CDH13: variants seen among roughly 807,000 people sequenced by gnomAD.
CDH13 encodes cadherin 13, also known as cadherin-13.
A neutral mutation model predicts 63.8 loss-of-function variants in CDH13; 24 were observed. That is an observed-to-expected ratio of 0.38 (90% CI 0.27 to 0.53). The LOEUF (loss-of-function observed/expected upper bound fraction) is 0.53, where lower values mean the gene tolerates loss of function less well. Ranked by LOEUF, CDH13 falls within the 20% of genes least tolerant of loss-of-function variation. CDH13 has a pLI of 0.85. For missense variants in CDH13, 1,049 were observed against 903.1 expected (o/e 1.16, Z -2.07); for synonymous variants, 503 against 355.3 (o/e 1.42, Z -4.67).
chr16:82,793,956 G>A (rs1336274358), intron 1 of CDH13, among the ~76,000 whole-genome samples: 1 of 152,024 alleles, frequency 6.6e-6, no homozygotes, highest in Non-Finnish European at 1.5e-5. Context: ...GGCTTTTACT[G>A]GGTGGAAATA....
chr16:83,664,215 G>C (rs1036465764), intron 8 of CDH13, among the ~76,000 whole-genome samples: 3 of 152,048 alleles, frequency 2.0e-5, no homozygotes, highest in African/African-American at 7.2e-5. Context: ...TGATCTGGTG[G>C]GTTCCTGAAT....
chr16:82,878,320 T>TTTTTG (rs1336325492), intron 2 of CDH13, among the ~76,000 whole-genome samples: 4 of 151,858 alleles, frequency 2.6e-5, no homozygotes, highest in Non-Finnish European at 5.9e-5. Flanking sequence ...GCTTTCAAGA[T>TTTTTG]TTTTGTTTTA....
At position 83,602,435 on chromosome 16, in the gene CDH13, T is replaced by C. The variant is rs1480055248; in HGVS notation, c.961-19T>C. ...CAAATCTAAATGTCATATTATTTCT[T>C]TGTGCTTGTGCTTTGTAGACTCTGG... On this transcript the variant is annotated intron_variant, in intron 7 of 13. Transcript: ENST00000567109. 1 of 1,613,776 alleles carries C rather than the reference T, an allele frequency of 6.2e-7. No individual in the cohort carries two copies. The highest frequency in any genetic ancestry group is 1.7e-5 in the Admixed American group (1 of 60,018).
At chr16:83,403,625 A>AAAT (rs34397198) in intron 6 of CDH13, among the ~76,000 whole-genome samples, 8,110 of 151,314 alleles carry the variant, frequency 0.054, 222 homozygotes, top group African/African-American at 0.074. Flanking sequence ...TCCGTCTCAA[A>AAAT]AATAATAATA....
intron 9 of CDH13, among the ~76,000 whole-genome samples, chr16:83,672,516 C>A (rs980199998): frequency 1.4e-5 from 2 of 140,266 alleles, no homozygotes; most frequent in African/African-American, 5.3e-5. Context: ...CCTCCACCTC[C>A]TGGGTTCAAG....
intron 5 of CDH13, among the ~76,000 whole-genome samples, chr16:83,284,949 A>T (rs1254057016): frequency 6.6e-6 from 1 of 152,208 alleles, no homozygotes; most frequent in Non-Finnish European, 1.5e-5. Flanking sequence ...TTTCTGACTG[A>T]ATTTTAATTA....
chr16:83,174,493 A>G (rs1005532070), intron 4 of CDH13, among the ~76,000 whole-genome samples: 4 of 152,034 alleles, frequency 2.6e-5, no homozygotes, highest in African/African-American at 9.7e-5. Context: ...CTGAGCCAGA[A>G]TAAAGTTTAC....
intron 1 of CDH13, among the ~76,000 whole-genome samples, chr16:82,718,882 A>T (rs1208468432): frequency 2.6e-5 from 4 of 152,208 alleles, no homozygotes; most frequent in Non-Finnish European, 5.9e-5. Flanking sequence ...CAGCTAAATC[A>T]TATCAAGTGT....
intron 10 of CDH13, among the ~76,000 whole-genome samples, chr16:83,720,668 G>A (rs1252600814): frequency 6.6e-6 from 1 of 151,990 alleles, no homozygotes; most frequent in African/African-American, 2.4e-5. Flanking sequence ...ACAGGAAGCA[G>A]CAAAGACAGG....
intron 1 of CDH13, among the ~76,000 whole-genome samples, chr16:82,680,217 C>T (rs1914396472): frequency 6.6e-6 from 1 of 152,184 alleles, no homozygotes. Context: ...GAATGTGGGG[C>T]CTGGTCTAAT....
intron 10 of CDH13, among the ~76,000 whole-genome samples, chr16:83,681,889 T>G (rs997622187): frequency 1.6e-4 from 21 of 132,398 alleles, no homozygotes; most frequent in African/African-American, 5.9e-4. Context: ...GTTGTGATGT[T>G]ACTGCTGTTG....
At chr16:83,181,844 T>G (rs761577904) in intron 4 of CDH13, among the ~76,000 whole-genome samples, 1 of 152,130 alleles carries the variant, frequency 6.6e-6, no homozygotes, top group Non-Finnish European at 1.5e-5. Context: ...ACAGTTTGCA[T>G]AGATTTCCCA....
intron 5 of CDH13, among the ~76,000 whole-genome samples, chr16:83,290,682 A>G (rs115712914): frequency 0.011 from 1,684 of 152,254 alleles, 31 homozygotes; most frequent in African/African-American, 0.038. Context: ...TGTGAATGAG[A>G]TCAGATTCCT....
At chr16:82,710,645 AATC>A (rs901586220) in intron 1 of CDH13, among the ~76,000 whole-genome samples, 2 of 144,574 alleles carry the variant, frequency 1.4e-5, no homozygotes, top group Admixed American at 7.0e-5. Context: ...CATATAATAT[AATC>A]ATTTTATTTG....
rs1020069305 is a variant in CDH13, at chr16:83,717,811, C to T, written c.1539-30297C>T. 9 of 152,350 alleles carry T rather than the reference C, an allele frequency of 5.9e-5. No homozygotes were observed. In the East Asian group the frequency reaches 1.7e-3, roughly 29 times the overall value. 9.4% of individuals were successfully genotyped at this position (152,350 alleles called of 1,614,324 possible). A position where few individuals can be genotyped will look rare whatever the true frequency, so the allele number is the denominator to read the frequency against. ...GGCAGCTCTTTAAAATCTTACCGTGCACGTTCTGCAGGACACCTTTCCCTG... is the reference window on the plus strand; with the variant it reads ...GGCAGCTCTTTAAAATCTTACCGTGTACGTTCTGCAGGACACCTTTCCCTG... On this transcript the variant is annotated intron_variant, in intron 10 of 13. Coordinates refer to ENST00000567109, the MANE Select transcript of CDH13 (RefSeq NM_001257.5).
intron 7 of CDH13, among the ~76,000 whole-genome samples, chr16:83,556,654 C>G (rs8051704): frequency 0.01 from 1,567 of 152,306 alleles, 20 homozygotes; most frequent in African/African-American, 0.036. Context: ...GTATTTCTCA[C>G]AAATCAAGGG....
chr16:82,911,468 A>G (rs1202569431), intron 2 of CDH13, among the ~76,000 whole-genome samples: 1 of 152,178 alleles, frequency 6.6e-6, no homozygotes, highest in African/African-American at 2.4e-5. Context: ...CAGGGGCTAC[A>G]TACGGAATCT....
chr16:82,794,707 AC>A (rs1314502576), intron 1 of CDH13, among the ~76,000 whole-genome samples: 4 of 151,990 alleles, frequency 2.6e-5, no homozygotes, highest in South Asian at 4.2e-4. Context: ...TAAATATAAT[AC>A]CCCTTCAGCC....
At chr16:83,787,831 T>C in intron 13 of CDH13, among the ~76,000 whole-genome samples, 1 of 152,066 alleles carries the variant, frequency 6.6e-6, no homozygotes, top group Non-Finnish European at 1.5e-5. Context: ...TAATCCCAGC[T>C]ACTCGGGAGG....
Sources: allele counts gnomAD v4.1 joint callset (sites outside exome capture counted in the v4.1 genomes callset), GRCh38; gene constraint gnomAD v4.1.1; transcripts MANE v1.5; gene names NCBI Gene and HGNC (gene_info 2026-07-23, HGNC 2026-07-21).